Variants in GHR observed in about 807,000 individuals in gnomAD.
GHR encodes the protein growth hormone receptor, also known as GH receptor.
GHR carries 35 observed loss-of-function variants against 67.1 expected under a neutral mutation model. The observed-to-expected ratio is 0.52, with a 90% CI of 0.40 to 0.69. The LOEUF (loss-of-function observed/expected upper bound fraction) is 0.69. Among genes scored for constraint, GHR ranks in the 30% least tolerant of loss-of-function variants. The probability of loss-of-function intolerance (pLI) is 0.00; values close to 1 mark genes in which losing one functional copy is unlikely to be tolerated. For missense variants in GHR, 792 were observed against 764.6 expected (o/e 1.04, Z -0.42); for synonymous variants, 272 against 269.1 (o/e 1.01, Z -0.10).
chr5:42,483,745 C>T (rs540742856), intron 1 of GHR, among the ~76,000 whole-genome samples: 11 of 152,204 alleles, frequency 7.2e-5, no homozygotes, highest in South Asian at 2.1e-4. Context: ...ATAACATTGT[C>T]GTTAACATAA....
At chr5:42,460,800 T>C (rs1317493886) in intron 1 of GHR, among the ~76,000 whole-genome samples, 2 of 152,178 alleles carry the variant, frequency 1.3e-5, no homozygotes, top group East Asian at 1.9e-4. Flanking sequence ...CCAAGTCTCA[T>C]TTGAGTTCCT....
At chr5:42,692,730 A>G (rs1420519250) in intron 4 of GHR, among the ~76,000 whole-genome samples, 1 of 152,190 alleles carries the variant, frequency 6.6e-6, no homozygotes, top group African/African-American at 2.4e-5. Flanking sequence ...TGCACTGTTG[A>G]GAAATTCTGT....
At chr5:42,718,264 A>C (rs1192810816) in intron 9 of GHR, 143 bp downstream of exon 9, 10 of 719,504 alleles carry the variant, frequency 1.4e-5, no homozygotes, top group Non-Finnish European at 9.5e-6. Context: ...TTTTTTAAAT[A>C]TTCTATTTCT....
chr5:42,538,655 G>T (rs56203213), intron 1 of GHR, among the ~76,000 whole-genome samples: 4,162 of 152,238 alleles, frequency 0.027, 196 homozygotes, highest in African/African-American at 0.095. Context: ...AATGTGCCTA[G>T]GTGATGATTT....
Position 42,629,693 on chromosome 5 carries a change from TG to T in GHR, c.136+591del, listed in dbSNP as rs1194908260. ...CAAGGCTGCTTTTTTTTCTATTTTTTGCTTGTGCTTGGAGGTTAAGTAAGGC... is the reference window on the plus strand; with the variant it reads ...CAAGGCTGCTTTTTTTTCTATTTTTTCTTGTGCTTGGAGGTTAAGTAAGGC... On this transcript the variant is annotated intron_variant, in intron 3 of 9. Transcript: ENST00000230882. 2.3e-5 allele frequency among the ~76,000 whole-genome samples: 3 copies of T among 131,852 alleles called. 1 individual carries two copies. Among genetic ancestry groups the T allele is most frequent in the Non-Finnish European group, 4.8e-5 (3 of 62,432 alleles). 86.5% of individuals were successfully genotyped at this position (131,852 alleles called of 152,430 possible). A position where few individuals can be genotyped will look rare whatever the true frequency, so the allele number is the denominator to read the frequency against.
In GHR at chr5:42,474,257, C is replaced by CAGACAGAAAGAAAGAA. The variant is rs1182799025; in HGVS notation, c.-12+50305_-12+50306insCAGAAAGAAAGAAAGA. ...AGAAAGAAAGAGAGAGAAAGACAGA[C>CAGACAGAAAGAAAGAA]AGAAAGAAAGAAAGAAAGAAAGAAA... is the stretch of plus-strand genomic sequence containing the variant. On this transcript the variant is annotated intron_variant, in intron 1 of 9. Coordinates refer to ENST00000230882, the MANE Select transcript of GHR (RefSeq NM_000163.5). Among the ~76,000 whole-genome samples, 259 of 88,032 alleles carry CAGACAGAAAGAAAGAA rather than the reference C, an allele frequency of 2.9e-3. 2 individuals are homozygous for CAGACAGAAAGAAAGAA. Among genetic ancestry groups the CAGACAGAAAGAAAGAA allele is most frequent in the African/African-American group, 0.01 (238 of 23,450 alleles). 57.8% of individuals were successfully genotyped at this position (88,032 alleles called of 152,430 possible).
chr5:42,652,395 TATG>T (rs1755055482), intron 3 of GHR, among the ~76,000 whole-genome samples: 1 of 152,156 alleles, frequency 6.6e-6, no homozygotes. Flanking sequence ...TTTCTTACCC[TATG>T]ATTTCATTGA....
In GHR at chr5:42,529,168, T is replaced by A. The variant is rs76751449; in HGVS notation, c.-11-36696T>A. 5.3e-5 allele frequency among the ~76,000 whole-genome samples: 8 copies of A among 152,120 alleles called. No homozygotes were observed. In the East Asian group the frequency reaches 1.5e-3, roughly 29 times the overall value. On this transcript the variant is annotated intron_variant, in intron 1 of 9. Coordinates refer to ENST00000230882, the MANE Select transcript of GHR (RefSeq NM_000163.5). ...CTGGAACTACAGGTGCCCACCACAA[T>A]GCCCAGCTAATTTTTTGTATTTTCA... is the stretch of plus-strand genomic sequence containing the variant.
chr5:42,712,384 C>T (rs1758506077), intron 7 of GHR, among the ~76,000 whole-genome samples: 1 of 152,008 alleles, frequency 6.6e-6, no homozygotes, highest in East Asian at 1.9e-4. Flanking sequence ...ATTCACTTAA[C>T]ATATATTTTT....
At chr5:42,571,151 A>G (rs752293605) in intron 2 of GHR, among the ~76,000 whole-genome samples, 1 of 152,212 alleles carries the variant, frequency 6.6e-6, no homozygotes, top group Non-Finnish European at 1.5e-5. Flanking sequence ...AGTTCAGCCT[A>G]TTAGCACTAA....
At chr5:42,578,403 T>C (rs1464909799) in intron 2 of GHR, among the ~76,000 whole-genome samples, 1 of 152,198 alleles carries the variant, frequency 6.6e-6, no homozygotes, top group East Asian at 1.9e-4. Flanking sequence ...TCATCTAAGA[T>C]TTTTTGAGCC....
At chr5:42,478,947 A>G (rs1745476342) in intron 1 of GHR, among the ~76,000 whole-genome samples, 1 of 152,172 alleles carries the variant, frequency 6.6e-6, no homozygotes, top group South Asian at 2.1e-4. Context: ...GAGAAAGGGC[A>G]TCCCTGTTTT....
intron 1 of GHR, among the ~76,000 whole-genome samples, chr5:42,525,076 G>A (rs1747648537): frequency 6.6e-6 from 1 of 152,212 alleles, no homozygotes; most frequent in Admixed American, 6.5e-5. Flanking sequence ...AGTCCCTGCT[G>A]GGGCACTGCC....
chr5:42,637,039 G>A (rs2112774039), intron 3 of GHR, among the ~76,000 whole-genome samples: 1 of 152,258 alleles, frequency 6.6e-6, no homozygotes, highest in East Asian at 1.9e-4. Context: ...AGCTACCTCT[G>A]TGTTTTTTTT....
intron 3 of GHR, among the ~76,000 whole-genome samples, chr5:42,642,681 G>A (rs1291149857): frequency 6.6e-6 from 1 of 152,084 alleles, no homozygotes; most frequent in Non-Finnish European, 1.5e-5. Flanking sequence ...TTTCATATTT[G>A]TTTCCTAAGC....
chr5:42,639,445 T>A (rs1298155105), intron 3 of GHR, among the ~76,000 whole-genome samples: 1 of 152,198 alleles, frequency 6.6e-6, no homozygotes, highest in East Asian at 1.9e-4. Context: ...GCAGGTTATC[T>A]TTTTATTTTT....
intron 1 of GHR, chr5:42,514,103 C>T: frequency 6.1e-6 from 6 of 984,348 alleles, no homozygotes; most frequent in Non-Finnish European, 7.2e-6. Context: ...CTTCTTTAAC[C>T]AGAACTGACC....
intron 3 of GHR, among the ~76,000 whole-genome samples, chr5:42,681,927 C>T (rs1345607287): frequency 7.8e-6 from 1 of 127,904 alleles, no homozygotes; most frequent in African/African-American, 2.9e-5. Flanking sequence ...AAGGGCAAGA[C>T]TCCGTCTCAA....
intron 2 of GHR, among the ~76,000 whole-genome samples, chr5:42,569,488 G>A (rs1278224133): frequency 2.0e-5 from 3 of 152,026 alleles, no homozygotes; most frequent in East Asian, 1.9e-4. Context: ...TTGAAAAATC[G>A]GTAGCATTTG....
Sources: gnomAD v4.1 joint callset for allele counts (sites outside exome capture counted in the v4.1 genomes callset) on GRCh38, gnomAD v4.1.1 for gene constraint, MANE v1.5 for transcripts, NCBI Gene and HGNC (gene_info 2026-07-23, HGNC 2026-07-21) for gene names.